Variants in CENPE observed in about 807,000 individuals in gnomAD.
The protein encoded by CENPE is centromere-associated protein E.
CENPE carries 145 observed loss-of-function variants against 336.1 expected under a neutral mutation model. That is an observed-to-expected ratio of 0.43 (90% CI 0.38 to 0.50). The LOEUF is 0.50. Among genes scored for constraint, CENPE ranks in the 20% least tolerant of loss-of-function variants. The pLI is 0.00. For synonymous variants in CENPE, 1,013 were observed against 984.8 expected (o/e 1.03, Z -0.54); for missense variants, 2,719 against 3,023.3 (o/e 0.90, Z 2.36).
At chr4:103,155,689 A>G (rs1373013242) in intron 24 of CENPE, among the ~76,000 whole-genome samples, 15 of 152,186 alleles carry the variant, frequency 9.9e-5, no homozygotes, top group Admixed American at 9.8e-4. Flanking sequence ...CATAAGATAC[A>G]GAAAAAGTGA....
Position 103,196,042 on chromosome 4 carries a change from C to A in CENPE, c.239-4G>T. 6.2e-7 allele frequency: 1 copy of A among 1,606,222 alleles called. No homozygotes were observed. The highest frequency in any genetic ancestry group is 8.5e-7 in the Non-Finnish European group (1 of 1,173,088). On this transcript the variant is annotated splice_polypyrimidine_tract_variant and splice_region_variant and intron_variant, in intron 3 of 48. Transcript: ENST00000265148. Reference sequence around the variant, plus strand: ...TGTCCATAGGCAAATATAGTACCTGCAAAAAACAAAACACACATACGCAAA... The same window carrying A: ...TGTCCATAGGCAAATATAGTACCTGAAAAAAACAAAACACACATACGCAAA...
rs1751847768 is a variant in CENPE at position 103,134,044 on chromosome 4, C to T, written c.6523-152G>A. The T allele has an allele frequency of 7.8e-6, 5 of 640,942 alleles. No homozygotes were observed. In the Middle Eastern group the frequency reaches 1.3e-3, roughly 160 times the overall value. The allele number at this position is 640,942 out of a possible 1,614,324, so 39.7% of individuals were successfully genotyped here. A position where few individuals can be genotyped will look rare whatever the true frequency, so the allele number is the denominator to read the frequency against. ...AAAGGGAAAGAGCTTCTCTCTATCC[C>T]CAGTTTTTCCTCTTAGTATCTTAGG... is the stretch of plus-strand genomic sequence containing the variant. On this transcript the variant is annotated intron_variant, in intron 40 of 48. Coordinates refer to ENST00000265148, the MANE Select transcript of CENPE (RefSeq NM_001813.3).
In CENPE at chr4:103,159,048, G is replaced by C; in HGVS notation, c.2563C>G (p.Gln855Glu). 2 of 1,535,492 alleles carry C rather than the reference G, an allele frequency of 1.3e-6. No homozygotes were observed. The highest frequency in any genetic ancestry group is 1.7e-6 in the Non-Finnish European group (2 of 1,148,326). ...GCACCCAAACTCGAATCAAATTTTT[G>C]GGCTTCTTTAGAGAGATTAACTATT... ...QEIVNLSKEA[Q>E]KFDSSLGALK... The change falls in exon 22 of 49, where the codon CAA becomes GAA. Residue 855 changes from glutamine to glutamate, a missense_variant. Physicochemically the swap from Gln to Glu is conservative, Grantham distance 29. Transcript: ENST00000265148.
At chr4:103,152,977 T>G (rs1753681116) in intron 25 of CENPE, 70 bp downstream of exon 25, 1 of 1,133,668 alleles carries the variant, frequency 8.8e-7, no homozygotes, top group Non-Finnish European at 1.3e-6. Flanking sequence ...TATACCTCAA[T>G]AAAGTTGATA....
chr4:103,180,021 T>C (rs1243243538), intron 13 of CENPE, among the ~76,000 whole-genome samples: 3 of 152,222 alleles, frequency 2.0e-5, no homozygotes, highest in Non-Finnish European at 1.5e-5. Context: ...CCACATATTC[T>C]AGAAACCTAT....
intron 28 of CENPE, among the ~76,000 whole-genome samples, chr4:103,148,237 C>T (rs1159754594): frequency 6.6e-6 from 1 of 152,150 alleles, no homozygotes; most frequent in Non-Finnish European, 1.5e-5. Flanking sequence ...CTTATTTCTC[C>T]ACTAGTTTCC....
chr4:103,129,576 A>G (rs1161186858), intron 42 of CENPE, among the ~76,000 whole-genome samples: 1 of 152,066 alleles, frequency 6.6e-6, no homozygotes, highest in Non-Finnish European at 1.5e-5. Context: ...TCTCTACTAA[A>G]AATACAAAAA....
intron 36 of CENPE, 116 bp downstream of exon 36, chr4:103,140,698 G>T: frequency 2.5e-6 from 2 of 807,742 alleles, no homozygotes; most frequent in Non-Finnish European, 3.9e-6. Context: ...CTTATTATTG[G>T]TGGACACTTA....
chr4:103,128,632 G>A (rs181221363), intron 42 of CENPE, among the ~76,000 whole-genome samples: 11 of 152,160 alleles, frequency 7.2e-5, no homozygotes, highest in African/African-American at 2.4e-4. Context: ...AATAACATAC[G>A]GGTCACAGGA....
rs113244879 is a variant in CENPE, at chr4:103,123,321, C to T, written c.6925-232G>A. On this transcript the variant is annotated intron_variant, in intron 42 of 48. Coordinates refer to ENST00000265148, the MANE Select transcript of CENPE (RefSeq NM_001813.3). ...CAGTCCTGCCTGGGATGTAAATCAT[C>T]CTCTTGTCCAGCATACACTACTTGT... Among the ~76,000 whole-genome samples, 540 of 152,256 alleles carry T rather than the reference C, an allele frequency of 3.5e-3. 3 individuals carry two copies. Among genetic ancestry groups the T allele is most frequent in the African/African-American group, 0.011 (471 of 41,546 alleles).
At chr4:103,158,083 G>A (rs1410704945) in intron 24 of CENPE, among the ~76,000 whole-genome samples, 3 of 151,724 alleles carry the variant, frequency 2.0e-5, no homozygotes, top group Admixed American at 2.0e-4. Context: ...GCAAAATTTG[G>A]ACTAATACAT....
chr4:103,161,078 C>A lies in CENPE; in HGVS notation c.2131+8G>T. On this transcript the variant is annotated splice_region_variant and intron_variant, in intron 20 of 48. Coordinates refer to ENST00000265148, the MANE Select transcript of CENPE (RefSeq NM_001813.3). ...ATTTGAAAAAAGATGTTTAAAATTACAAAATACCTTTTGGAACTTTGCCAT... is the reference window on the plus strand; with the variant it reads ...ATTTGAAAAAAGATGTTTAAAATTAAAAAATACCTTTTGGAACTTTGCCAT... 1.3e-6 allele frequency: 2 copies of A among 1,568,256 alleles called. No homozygotes were observed. The highest frequency in any genetic ancestry group is 1.2e-5 in the South Asian group (1 of 82,678).
chr4:103,141,270 T>C (rs1291112063), intron 35 of CENPE, among the ~76,000 whole-genome samples, 166 bp from the exon 36 acceptor site: 1 of 152,130 alleles, frequency 6.6e-6, no homozygotes, highest in African/African-American at 2.4e-5. Context: ...ATATAAAGCA[T>C]GCTCATCTTC....
chr4:103,194,418 T>C lies in CENPE; in HGVS notation c.583A>G (p.Lys195Glu). 1 of 1,611,170 alleles carries C rather than the reference T, an allele frequency of 6.2e-7. No individual in the cohort carries two copies. The highest frequency in any genetic ancestry group is 8.5e-7 in the Non-Finnish European group (1 of 1,178,180). ...GEKSRHYGET[K>E]MNQRSSRSHT... ...GAACGACTGCTTCTTTGATTCATTT[T>C]TGTTTCTCCATAATGCCTGCTCTCT... The change falls in exon 7 of 49, where the codon AAA becomes GAA. Residue 195 changes from lysine to glutamate, a missense_variant. Coordinates refer to ENST00000265148, the MANE Select transcript of CENPE (RefSeq NM_001813.3).
chr4:103,111,431 T>C (rs1052939714), intron 46 of CENPE, among the ~76,000 whole-genome samples: 2 of 152,264 alleles, frequency 1.3e-5, no homozygotes, highest in Admixed American at 1.3e-4. Context: ...GTGCATTATA[T>C]GTATTCAATA....
intron 44 of CENPE, among the ~76,000 whole-genome samples, chr4:103,119,032 T>C (rs1439638174): frequency 6.6e-6 from 1 of 152,206 alleles, no homozygotes; most frequent in African/African-American, 2.4e-5. Flanking sequence ...ATCTTACTGG[T>C]GTGACATTCC....
At position 103,187,974 on chromosome 4, in the gene CENPE, A is replaced by G. The variant is rs543912964; in HGVS notation, c.694-2113T>C. ...GATCTACCAAGCAAATGGAAAACAA[A>G]AAAAGGCAGGGGTTGCAATCCTAGT... is the stretch of plus-strand genomic sequence containing the variant. On this transcript the variant is annotated intron_variant, in intron 8 of 48. Transcript: ENST00000265148. Among the ~76,000 whole-genome samples, 470 of 152,218 alleles carry G rather than the reference A, an allele frequency of 3.1e-3. 4 individuals are homozygous for G. Among genetic ancestry groups the G allele is most frequent in the African/African-American group, 0.011 (446 of 41,520 alleles).
chr4:103,176,770 C>A, intron 14 of CENPE, 129 bp downstream of exon 14: 1 of 646,910 alleles, frequency 1.5e-6, no homozygotes, highest in Non-Finnish European at 2.3e-6. Flanking sequence ...TCATAGTCTC[C>A]ATTGTAATCA....
At position 103,136,147 on chromosome 4, in the gene CENPE, T is replaced by C. The variant is rs1177245515; in HGVS notation, c.6516A>G (p.Lys2172=). The change falls in exon 40 of 49, where the codon AAA becomes AAG. Residue 2172 remains lysine (K), a synonymous_variant. Transcript: ENST00000265148. ...TTACTAAAAAAGATGGTACCTTCAG[T>C]TTCTTCATGATTCTGTGGAATTCCA... ...CSMEFHRIMK[K]LKYVLSYVTK... The C allele has an allele frequency of 6.2e-7, 1 of 1,610,226 alleles. No homozygotes were observed. Among genetic ancestry groups the C allele is most frequent in the Non-Finnish European group, 8.5e-7 (1 of 1,178,556 alleles).
Sources: allele counts gnomAD v4.1 joint callset (sites outside exome capture counted in the v4.1 genomes callset), GRCh38; gene constraint gnomAD v4.1.1; transcripts MANE v1.5; gene names NCBI Gene and HGNC (gene_info 2026-07-23, HGNC 2026-07-21).